FER1L6: variants seen among roughly 807,000 people sequenced by gnomAD.
The protein encoded by FER1L6 is fer-1 like family member 6.
FER1L6 carries 177 observed loss-of-function variants against 219.2 expected under a neutral mutation model. The ratio of observed to expected loss-of-function variants is 0.81; its 90% CI spans 0.71 to 0.91. The LOEUF is 0.91. Among genes scored for constraint, FER1L6 ranks in the 40% least tolerant of loss-of-function variants. The pLI is 0.00. For synonymous variants in FER1L6, 768 were observed against 824.3 expected (o/e 0.93, Z 1.17); for missense variants, 2,153 against 2,259.9 (o/e 0.95, Z 0.96).
At chr8:123,935,219 G>A (rs374676554) in intron 1 of FER1L6, among the ~76,000 whole-genome samples, 1 of 151,848 alleles carries the variant, frequency 6.6e-6, no homozygotes, top group East Asian at 1.9e-4. Context: ...TTATCAGTAT[G>A]AGCTTATGGA....
At chr8:123,994,292 G>A (rs918065963) in intron 12 of FER1L6, among the ~76,000 whole-genome samples, 38 of 152,162 alleles carry the variant, frequency 2.5e-4, no homozygotes, top group African/African-American at 8.7e-4. Context: ...TGGGGTCTGG[G>A]TCTGGGCCTG....
intron 1 of FER1L6, among the ~76,000 whole-genome samples, chr8:123,866,348 A>G (rs996684501): frequency 6.6e-6 from 1 of 151,796 alleles, no homozygotes; most frequent in Non-Finnish European, 1.5e-5. Flanking sequence ...ATATAAAAAT[A>G]TGTATATATA....
rs71289636 is a variant in FER1L6 at position 124,106,328 on chromosome 8, C to CAAA, written c.5289+3050_5289+3052dup. Among the ~76,000 whole-genome samples, 219 of 63,846 alleles carry CAAA rather than the reference C, an allele frequency of 3.4e-3. 29 individuals carry two copies. The highest frequency in any genetic ancestry group is 5.2e-3 in the African/African-American group (81 of 15,542). 41.9% of individuals were successfully genotyped at this position (63,846 alleles called of 152,430 possible). ...TGGGCGACAGAGTGAGACTCTGTCT[C>CAAA]AAAAAAAAAAAAAAAAAAAAAAAAA... is the stretch of plus-strand genomic sequence containing the variant. On this transcript the variant is annotated intron_variant, in intron 39 of 40. Coordinates refer to ENST00000522917, the MANE Select transcript of FER1L6 (RefSeq NM_001039112.2).
chr8:123,962,892 T>TGTAATG, intron 2 of FER1L6, among the ~76,000 whole-genome samples: 1 of 152,198 alleles, frequency 6.6e-6, no homozygotes, highest in Non-Finnish European at 1.5e-5. Flanking sequence ...CTTCCCAAAG[T>TGTAATG]GCTCGGATTA....
chr8:123,892,151 A>T (rs1812658266), intron 1 of FER1L6, among the ~76,000 whole-genome samples: 1 of 152,172 alleles, frequency 6.6e-6, no homozygotes. Flanking sequence ...GCTCTATTAA[A>T]ATTAGCTTTA....
intron 39 of FER1L6, among the ~76,000 whole-genome samples, chr8:124,104,940 A>G (rs565410768): frequency 1.3e-5 from 2 of 152,332 alleles, no homozygotes; most frequent in South Asian, 2.1e-4. Flanking sequence ...CTCTGTTATC[A>G]TAGAGCTTAC....
At chr8:123,931,915 TA>T (rs546670958) in intron 1 of FER1L6, among the ~76,000 whole-genome samples, 1 of 152,296 alleles carries the variant, frequency 6.6e-6, no homozygotes, top group South Asian at 2.1e-4. Context: ...ACAGTTATTT[TA>T]AAAAATATCT....
intron 18 of FER1L6, among the ~76,000 whole-genome samples, chr8:124,029,034 G>C (rs1415390408): frequency 2.6e-5 from 4 of 152,130 alleles, no homozygotes; most frequent in Admixed American, 2.6e-4. Flanking sequence ...GCAGTGTTTG[G>C]TTTTCTGTTC....
At position 124,097,327 on chromosome 8, in the gene FER1L6, T is replaced by G. The variant is rs902185296; in HGVS notation, c.4752T>G (p.Pro1584=). ...CCAAGGATATGCCTCAACCTGGACC[T>G]CCTGTTGACATCTCTCCAAGGCGAC... ...MFPKDMPQPG[P]PVDISPRRPK... is the part of the protein sequence containing the mutation. The change falls in exon 36 of 41, where the codon CCT becomes CCG. Residue 1584 remains proline (P), a synonymous_variant. Coordinates refer to ENST00000522917, the MANE Select transcript of FER1L6 (RefSeq NM_001039112.2). 1 of 1,613,320 alleles carries G rather than the reference T, an allele frequency of 6.2e-7. No individual in the cohort carries two copies. The highest frequency in any genetic ancestry group is 1.7e-5 in the Admixed American group (1 of 59,966).
intron 39 of FER1L6, among the ~76,000 whole-genome samples, chr8:124,104,816 A>T (rs1442662471): frequency 2.0e-5 from 3 of 152,066 alleles, no homozygotes; most frequent in African/African-American, 7.2e-5. Context: ...AATCCTAATT[A>T]CTCTTCATTT....
chr8:124,109,597 T>C (rs1822930553), intron 39 of FER1L6, among the ~76,000 whole-genome samples: 1 of 152,256 alleles, frequency 6.6e-6, no homozygotes, highest in African/African-American at 2.4e-5. Flanking sequence ...TTAACTCCTG[T>C]ATCACTTTCT....
chr8:124,114,809 TATATA>T (rs966919715), intron 39 of FER1L6, among the ~76,000 whole-genome samples: 1 of 150,562 alleles, frequency 6.6e-6, no homozygotes, highest in African/African-American at 2.4e-5. Context: ...TACATGATCT[TATATA>T]TGTATGTACA....
intron 37 of FER1L6, 69 bp downstream of exon 37, chr8:124,097,952 C>A: frequency 1.2e-6 from 1 of 851,338 alleles, no homozygotes; most frequent in Non-Finnish European, 2.0e-6. Flanking sequence ...CTAACTAAAT[C>A]TATGCCTCAT....
chr8:124,004,856 G>A (rs1817587291), intron 13 of FER1L6, among the ~76,000 whole-genome samples: 1 of 151,942 alleles, frequency 6.6e-6, no homozygotes. Flanking sequence ...AAATTAGCAG[G>A]GCATGGTGGC....
At chr8:123,984,365 C>T (rs1312730989) in intron 11 of FER1L6, 2 of 152,164 alleles carry the variant, frequency 1.3e-5, no homozygotes, top group African/African-American at 4.8e-5. Flanking sequence ...CTTCTCTGGG[C>T]TACATGGCCT....
intron 9 of FER1L6, among the ~76,000 whole-genome samples, 178 bp from the exon 10 acceptor site, chr8:123,977,239 G>A (rs931408962): frequency 2.5e-4 from 38 of 152,232 alleles, no homozygotes; most frequent in African/African-American, 8.7e-4. Context: ...TACCTGGCAC[G>A]GTGTCCAGCA....
rs886485480 is a variant in FER1L6 at position 124,018,755 on chromosome 8, C to T, written c.2013+1037C>T. Among the ~76,000 whole-genome samples, 5 of 152,204 alleles carry T rather than the reference C, an allele frequency of 3.3e-5. No homozygotes were observed. The South Asian group carries it at 6.2e-4, about 19-fold the overall frequency. ...ATCTCCATGCTTATCTCACATCACT[C>T]CAAACTCTGAGCCCATCACCTTATC... On this transcript the variant is annotated intron_variant, in intron 16 of 40. Transcript: ENST00000522917.
chr8:123,941,268 C>T (rs1026644706), intron 1 of FER1L6, among the ~76,000 whole-genome samples: 1 of 152,096 alleles, frequency 6.6e-6, no homozygotes, highest in Non-Finnish European at 1.5e-5. Flanking sequence ...ACCAGGGTAC[C>T]TGGTTAGTCT....
At chr8:124,066,963 G>A (rs964388767) in intron 27 of FER1L6, among the ~76,000 whole-genome samples, 1 of 152,116 alleles carries the variant, frequency 6.6e-6, no homozygotes, top group Non-Finnish European at 1.5e-5. Context: ...GTTCACATGG[G>A]AAATTATCAA....
Sources: allele counts gnomAD v4.1 joint callset (sites outside exome capture counted in the v4.1 genomes callset), GRCh38; gene constraint gnomAD v4.1.1; transcripts MANE v1.5; gene names NCBI Gene and HGNC (gene_info 2026-07-23, HGNC 2026-07-21).